Variants in NYAP2 observed in about 807,000 individuals in gnomAD.
NYAP2 encodes neuronal tyrosine-phosphorylated phosphoinositide-3-kinase adaptor 2.
Under a neutral mutation model 50.4 loss-of-function variants are expected in NYAP2, and 23 were observed. The observed-to-expected ratio is 0.46, with a 90% CI of 0.33 to 0.65. The LOEUF is 0.65. Among genes scored for constraint, NYAP2 ranks in the 30% least tolerant of loss-of-function variants. The probability of loss-of-function intolerance (pLI) is 0.02; values close to 1 mark genes in which losing one functional copy is unlikely to be tolerated. For synonymous variants in NYAP2, 394 were observed against 365.2 expected (o/e 1.08, Z -0.90); for missense variants, 885 against 861.0 (o/e 1.03, Z -0.35).
At chr2:225,544,191 G>A (rs1691525122) in intron 4 of NYAP2, among the ~76,000 whole-genome samples, 1 of 148,900 alleles carries the variant, frequency 6.7e-6, no homozygotes, top group Non-Finnish European at 1.5e-5. Context: ...TAGGTGAAAT[G>A]TGTTTCTTAT....
At chr2:225,629,308 G>A (rs1001248533) in intron 6 of NYAP2, among the ~76,000 whole-genome samples, 1 of 152,144 alleles carries the variant, frequency 6.6e-6, no homozygotes, top group Non-Finnish European at 1.5e-5. Flanking sequence ...CAGCAAATTG[G>A]ATGATGCCCA....
At chr2:225,497,114 C>A (rs1690520781) in intron 3 of NYAP2, among the ~76,000 whole-genome samples, 1 of 152,154 alleles carries the variant, frequency 6.6e-6, no homozygotes, top group South Asian at 2.1e-4. Flanking sequence ...TGACACAGGG[C>A]ATTCGATTCA....
chr2:225,621,107 C>T (rs1249390400), intron 5 of NYAP2, among the ~76,000 whole-genome samples: 30 of 112,944 alleles, frequency 2.7e-4, no homozygotes, highest in East Asian at 2.1e-3. Context: ...AGCGAGACTC[C>T]GTCTCAAAAA....
intron 3 of NYAP2, among the ~76,000 whole-genome samples, chr2:225,493,611 T>C (rs772178177): frequency 6.6e-6 from 1 of 152,228 alleles, no homozygotes; most frequent in Admixed American, 6.5e-5. Flanking sequence ...GGCTCTCACC[T>C]GGATTCGTGC....
intron 3 of NYAP2, among the ~76,000 whole-genome samples, chr2:225,471,968 G>C (rs1203468014): frequency 7.2e-6 from 1 of 139,392 alleles, no homozygotes; most frequent in East Asian, 2.6e-4. Flanking sequence ...ACTGTTTAAT[G>C]AGTACTTATT....
At chr2:225,401,378 G>A (rs1694859182) in intron 2 of NYAP2, among the ~76,000 whole-genome samples, 1 of 152,040 alleles carries the variant, frequency 6.6e-6, no homozygotes, top group Admixed American at 6.6e-5. Context: ...GTGCATGCTA[G>A]CTATTTATCC....
chr2:225,641,422 AACACACACACACACACACACACACACAC>A (rs56041107), intron 6 of NYAP2, among the ~76,000 whole-genome samples: 19 of 133,720 alleles, frequency 1.4e-4, no homozygotes, highest in African/African-American at 3.2e-4. Flanking sequence ...CAATCCCTCA[AACACACACACACACACACACACACACAC>A]ACACACACAC....
At chr2:225,479,563 G>A (rs1690170920) in intron 3 of NYAP2, among the ~76,000 whole-genome samples, 1 of 152,020 alleles carries the variant, frequency 6.6e-6, no homozygotes, top group Non-Finnish European at 1.5e-5. Context: ...GGTACCTGTG[G>A]TCCAGCCAAA....
At chr2:225,604,417 A>G (rs533549474) in intron 5 of NYAP2, among the ~76,000 whole-genome samples, 4 of 152,148 alleles carry the variant, frequency 2.6e-5, no homozygotes, top group Non-Finnish European at 4.4e-5. Flanking sequence ...GGCCTTAGAA[A>G]TAATCATATT....
rs544334068 is a variant in NYAP2 at position 225,513,384 on chromosome 2, G to A, written c.235G>A (p.Val79Ile). ...TTTCTTTTACAGCATAGGTGGAGAAGTAGGGCGAGGCCACGAAGGAAGTTA... is the reference window on the plus strand; with the variant it reads ...TTTCTTTTACAGCATAGGTGGAGAAATAGGGCGAGGCCACGAAGGAAGTTA... Residue 79 changes from valine to isoleucine, a missense_variant, in exon 4 of 7, where the codon GTA becomes ATA. Val to Ile is a conservative substitution (Grantham distance 29, BLOSUM62 3). Transcript: ENST00000636099. 6.2e-6 allele frequency: 10 copies of A among 1,613,986 alleles called. No individual in the cohort carries two copies. The East Asian group carries it at 1.8e-4, about 29-fold the overall frequency.
chr2:225,519,709 A>G (rs568967395), intron 4 of NYAP2, among the ~76,000 whole-genome samples: 140 of 152,208 alleles, frequency 9.2e-4, no homozygotes, highest in Non-Finnish European at 1.6e-3. Context: ...CTTTGCTATT[A>G]TGAATAGTGC....
the NYAP2 span, among the ~76,000 whole-genome samples, chr2:225,659,189 G>T: frequency 6.6e-6 from 1 of 152,134 alleles, no homozygotes; most frequent in African/African-American, 2.4e-5. Context: ...GCTGTCGCTG[G>T]TACCTGTGTG....
rs779164770 is a variant in NYAP2, at chr2:225,581,969, T to C, written c.552T>C (p.Asp184=). The C allele has an allele frequency of 2.5e-6, 4 of 1,610,024 alleles. No homozygotes were observed. In the Admixed American group the frequency reaches 5.0e-5, roughly 20 times the overall value. ...CAGCTAAACCAAGACCCCACAGCGA[T>C]GAATATTCCAAGAAGATTCCTCCTC... The change falls in exon 5 of 7, where the codon GAT becomes GAC. Residue 184 remains aspartate (D), a synonymous_variant. Transcript: ENST00000636099.
intron 3 of NYAP2, among the ~76,000 whole-genome samples, chr2:225,433,472 TAAAC>T (rs1224886850): frequency 6.6e-6 from 1 of 152,042 alleles, no homozygotes; most frequent in Admixed American, 6.6e-5. Context: ...AACCATAAAT[TAAAC>T]AAGAAATGTA....
chr2:225,627,271 A>G, intron 6 of NYAP2, 145 bp downstream of exon 6: 1 of 660,464 alleles, frequency 1.5e-6, no homozygotes, highest in Non-Finnish European at 2.7e-6. Context: ...CGTAGGTTAC[A>G]TAAAGGGATA....
chr2:225,647,982 G>GTGTATA (rs1559239866), intron 6 of NYAP2, among the ~76,000 whole-genome samples: 6 of 11,604 alleles, frequency 5.2e-4, no homozygotes, highest in South Asian at 2.7e-3. Context: ...ATGTGTGTGT[G>GTGTATA]CATATGTATG....
At chr2:225,527,636 A>T (rs1691175571) in intron 4 of NYAP2, among the ~76,000 whole-genome samples, 1 of 152,040 alleles carries the variant, frequency 6.6e-6, no homozygotes. Flanking sequence ...GCCCACCCAG[A>T]ACAATCTACT....
At chr2:225,512,094 T>C (rs1175483377) in intron 3 of NYAP2, among the ~76,000 whole-genome samples, 1 of 152,234 alleles carries the variant, frequency 6.6e-6, no homozygotes, top group Non-Finnish European at 1.5e-5. Flanking sequence ...TTCACATTTG[T>C]GTCCCTTCTT....
intron 3 of NYAP2, among the ~76,000 whole-genome samples, chr2:225,459,646 T>A (rs909316399): frequency 2.1e-4 from 31 of 150,264 alleles, no homozygotes; most frequent in East Asian, 1.2e-3. Context: ...TTATTTATTT[T>A]ATTTATTTAT....
Sources: gnomAD v4.1 joint callset for allele counts (sites outside exome capture counted in the v4.1 genomes callset) on GRCh38, gnomAD v4.1.1 for gene constraint, MANE v1.5 for transcripts, NCBI Gene and HGNC (gene_info 2026-07-23, HGNC 2026-07-21) for gene names.